Variants in CACNA2D3 observed in about 807,000 individuals in gnomAD.
CACNA2D3 encodes the protein calcium voltage-gated channel auxiliary subunit alpha2delta 3, also known as voltage-dependent calcium channel subunit alpha-2/delta-3.
Under a neutral mutation model 160.6 loss-of-function variants are expected in CACNA2D3, and 60 were observed. The ratio of observed to expected loss-of-function variants is 0.37; its 90% CI spans 0.30 to 0.46. The LOEUF is 0.46. CACNA2D3 is among the 20% of genes least tolerant of loss of function. The pLI, the probability that CACNA2D3 is intolerant of heterozygous loss-of-function variation, is 1.00. For missense variants in CACNA2D3, 1,205 were observed against 1,365.0 expected (o/e 0.88, Z 1.85); for synonymous variants, 558 against 492.9 (o/e 1.13, Z -1.75).
chr3:54,706,123 T>A (rs1266312692), intron 11 of CACNA2D3, among the ~76,000 whole-genome samples: 1 of 152,210 alleles, frequency 6.6e-6, no homozygotes, highest in Non-Finnish European at 1.5e-5. Context: ...AGCATTCCTT[T>A]GACTAGAAGC....
intron 4 of CACNA2D3, among the ~76,000 whole-genome samples, chr3:54,477,571 A>G (rs572602084): frequency 2.6e-5 from 4 of 152,140 alleles, no homozygotes; most frequent in Non-Finnish European, 5.9e-5. Context: ...TCATTCCCAG[A>G]GTTTTCTCCA....
chr3:55,069,836 T>C (rs1300410313), intron 35 of CACNA2D3, among the ~76,000 whole-genome samples: 1 of 152,202 alleles, frequency 6.6e-6, no homozygotes, highest in African/African-American at 2.4e-5. Flanking sequence ...TCTCAGATTG[T>C]TTACAATGCT....
At chr3:54,240,571 G>A (rs904324844) in intron 2 of CACNA2D3, among the ~76,000 whole-genome samples, 1 of 152,178 alleles carries the variant, frequency 6.6e-6, no homozygotes, top group African/African-American at 2.4e-5. Flanking sequence ...CTCCTAGTAA[G>A]TGAGGATGAG....
intron 27 of CACNA2D3, among the ~76,000 whole-genome samples, chr3:54,929,217 A>G (rs1337874364): frequency 3.3e-5 from 5 of 152,176 alleles, no homozygotes; most frequent in African/African-American, 9.7e-5. Context: ...TGGGGACAAC[A>G]TTAGCCCTTA....
At chr3:54,256,775 A>C (rs796846478) in intron 2 of CACNA2D3, among the ~76,000 whole-genome samples, 2,429 of 146,396 alleles carry the variant, frequency 0.017, 69 homozygotes, top group African/African-American at 0.057. Context: ...AAAAAAAAAA[A>C]ACCACTGTAA....
intron 2 of CACNA2D3, among the ~76,000 whole-genome samples, chr3:54,306,476 A>T (rs1034913047): frequency 5.9e-5 from 9 of 152,242 alleles, no homozygotes; most frequent in African/African-American, 1.9e-4. Flanking sequence ...CTACCAACCT[A>T]AAATGTGTGA....
intron 11 of CACNA2D3, among the ~76,000 whole-genome samples, chr3:54,661,217 G>A (rs1435140446): frequency 6.6e-6 from 1 of 152,196 alleles, no homozygotes; most frequent in Non-Finnish European, 1.5e-5. Context: ...AGTGTCTAGA[G>A]CCTTCTAGGT....
intron 3 of CACNA2D3, among the ~76,000 whole-genome samples, chr3:54,355,812 A>T (rs1270537955): frequency 1.3e-5 from 2 of 152,164 alleles, no homozygotes; most frequent in African/African-American, 4.8e-5. Flanking sequence ...AGGAAGAGAG[A>T]AGAAGAGCCC....
At chr3:55,025,022 T>C (rs1703535965) in intron 35 of CACNA2D3, among the ~76,000 whole-genome samples, 1 of 152,194 alleles carries the variant, frequency 6.6e-6, no homozygotes, top group African/African-American at 2.4e-5. Flanking sequence ...ACAAACTCTA[T>C]GAGGCGGCCA....
chr3:54,773,740 T>C (rs1020418942), intron 13 of CACNA2D3, among the ~76,000 whole-genome samples: 16 of 152,204 alleles, frequency 1.1e-4, no homozygotes, highest in African/African-American at 3.6e-4. Context: ...GTACCACTTA[T>C]ATGCATCCAA....
chr3:55,072,854 C>CTTTCTTACACAGCCTTGGT (rs1249194947), intron 35 of CACNA2D3, among the ~76,000 whole-genome samples: 10 of 151,814 alleles, frequency 6.6e-5, no homozygotes, highest in African/African-American at 2.4e-4. Context: ...ACAGCCTTGG[C>CTTTCTTACACAGCCTTGGT]TCTTTCTTAT....
Position 54,979,757 on chromosome 3 carries a change from A to G in CACNA2D3, c.2557-4851A>G, listed in dbSNP as rs920814954. On this transcript the variant is annotated intron_variant, in intron 29 of 37. Transcript: ENST00000474759. ...TTTCTTCCTCTATTCTAATGTCACA[A>G]TCTCCAACATTATCAGAAATCTGCA... Among the ~76,000 whole-genome samples the G allele has an allele frequency of 7.2e-5, 11 of 152,090 alleles. No homozygotes were observed. In the South Asian group the frequency reaches 1.2e-3, roughly 17 times the overall value.
intron 27 of CACNA2D3, among the ~76,000 whole-genome samples, chr3:54,957,685 A>G (rs1445842627): frequency 7.3e-6 from 1 of 136,540 alleles, no homozygotes; most frequent in Non-Finnish European, 1.6e-5. Flanking sequence ...CAGGGGTTCC[A>G]GGCCCCACCC....
chr3:54,708,494 A>G (rs1700894997), intron 11 of CACNA2D3, among the ~76,000 whole-genome samples: 1 of 152,172 alleles, frequency 6.6e-6, no homozygotes, highest in African/African-American at 2.4e-5. Context: ...TTGGTTGGAG[A>G]CCTTGTGATT....
intron 18 of CACNA2D3, among the ~76,000 whole-genome samples, chr3:54,878,111 A>G (rs924444086): frequency 2.0e-5 from 3 of 152,214 alleles, no homozygotes; most frequent in Non-Finnish European, 4.4e-5. Flanking sequence ...GCCTCGAATC[A>G]AATTTAGGTT....
In CACNA2D3 at chr3:54,556,910, G is replaced by A. The variant is rs1435235696; in HGVS notation, c.545-5890G>A. Among the ~76,000 whole-genome samples, 7 of 152,326 alleles carry A rather than the reference G, an allele frequency of 4.6e-5. No individual in the cohort carries two copies. In the East Asian group the frequency reaches 1.4e-3, roughly 29 times the overall value. ...CCTGGGTATATGTGGGGCATGGACA[G>A]CATTTACTGTCCCGTGGGTTACTTC... On this transcript the variant is annotated intron_variant, in intron 5 of 37. Coordinates refer to ENST00000474759, the MANE Select transcript of CACNA2D3 (RefSeq NM_018398.3).
At chr3:54,737,699 C>G (rs1183125928) in intron 11 of CACNA2D3, among the ~76,000 whole-genome samples, 3 of 152,146 alleles carry the variant, frequency 2.0e-5, no homozygotes, top group Non-Finnish European at 2.9e-5. Context: ...GAGTCTCACT[C>G]TGTCGCCCAG....
At chr3:54,850,056 C>G (rs115476109) in intron 17 of CACNA2D3, among the ~76,000 whole-genome samples, 1 of 152,300 alleles carries the variant, frequency 6.6e-6, no homozygotes, top group African/African-American at 2.4e-5. Context: ...TTTGGTTTAA[C>G]TGGCAAAGCT....
At chr3:54,424,757 C>G (rs1166835356) in intron 4 of CACNA2D3, among the ~76,000 whole-genome samples, 3 of 152,188 alleles carry the variant, frequency 2.0e-5, no homozygotes, top group Non-Finnish European at 4.4e-5. Flanking sequence ...TCCCTGCATC[C>G]TCCCATCCCC....
Sources: allele counts gnomAD v4.1 joint callset (sites outside exome capture counted in the v4.1 genomes callset), GRCh38; gene constraint gnomAD v4.1.1; transcripts MANE v1.5; gene names NCBI Gene and HGNC (gene_info 2026-07-23, HGNC 2026-07-21).